Variants in ADCY2 observed in about 807,000 individuals in gnomAD.
The protein encoded by ADCY2 is adenylate cyclase 2.
In ADCY2, 31 loss-of-function variants were observed where a neutral mutation model predicts 125.2. The ratio of observed to expected loss-of-function variants is 0.25; its 90% CI spans 0.19 to 0.33. The LOEUF is 0.33. Ranked by LOEUF, ADCY2 falls within the 10% of genes least tolerant of loss-of-function variation. ADCY2 has a pLI of 1.00. For synonymous variants in ADCY2, 512 were observed against 548.4 expected, an observed-to-expected ratio of 0.93 and a Z score of 0.93; for missense variants, 904 against 1,418.2, an observed-to-expected ratio of 0.64 and a Z score of 5.82.
At chr5:7,813,949 C>T (rs924518885) in intron 22 of ADCY2, among the ~76,000 whole-genome samples, 1 of 151,970 alleles carries the variant, frequency 6.6e-6, no homozygotes, top group East Asian at 1.9e-4. Flanking sequence ...CTTGTGCCTC[C>T]TATTAAGGAG....
intron 24 of ADCY2, among the ~76,000 whole-genome samples, chr5:7,824,769 C>T (rs1745412829): frequency 6.6e-6 from 1 of 152,200 alleles, no homozygotes; most frequent in African/African-American, 2.4e-5. Flanking sequence ...CCATAGCCCG[C>T]CCTTGAGATC....
At chr5:7,456,790 A>G (rs1579461737) in intron 2 of ADCY2, among the ~76,000 whole-genome samples, 1 of 152,208 alleles carries the variant, frequency 6.6e-6, no homozygotes, top group Non-Finnish European at 1.5e-5. Flanking sequence ...CTTAATGAAT[A>G]TAATTCCTTT....
intron 14 of ADCY2, among the ~76,000 whole-genome samples, chr5:7,731,801 C>T (rs1742110875): frequency 6.6e-6 from 1 of 151,284 alleles, no homozygotes; most frequent in South Asian, 2.1e-4. Flanking sequence ...TGGAGTTTCA[C>T]CATGTTGGCC....
intron 2 of ADCY2, among the ~76,000 whole-genome samples, chr5:7,416,231 G>A (rs567955434): frequency 2.6e-5 from 4 of 152,286 alleles, no homozygotes; most frequent in Admixed American, 6.5e-5. Flanking sequence ...CATTTCTTGG[G>A]CAAAGGGAGG....
At chr5:7,463,412 G>A (rs1741986948) in intron 2 of ADCY2, among the ~76,000 whole-genome samples, 2 of 152,118 alleles carry the variant, frequency 1.3e-5, no homozygotes, top group African/African-American at 4.8e-5. Flanking sequence ...TTTTGCGCTT[G>A]TGAAATAATT....
chr5:7,539,959 T>C (rs1008934695), intron 3 of ADCY2, among the ~76,000 whole-genome samples: 1 of 152,244 alleles, frequency 6.6e-6, no homozygotes, highest in Non-Finnish European at 1.5e-5. Context: ...TAAACACAGT[T>C]AATTATTGTT....
At chr5:7,515,142 C>G (rs1428845784) in intron 2 of ADCY2, among the ~76,000 whole-genome samples, 1 of 152,166 alleles carries the variant, frequency 6.6e-6, no homozygotes, top group African/African-American at 2.4e-5. Flanking sequence ...TATGCCACTG[C>G]CTTTTAAAAA....
chr5:7,806,121 C>A (rs1442701276), intron 22 of ADCY2, among the ~76,000 whole-genome samples: 1 of 151,940 alleles, frequency 6.6e-6, no homozygotes, highest in Non-Finnish European at 1.5e-5. Context: ...AGGGTTTTTT[C>A]CAGAACATTA....
chr5:7,819,173 C>G (rs1433346417), intron 23 of ADCY2, among the ~76,000 whole-genome samples: 1 of 152,150 alleles, frequency 6.6e-6, no homozygotes, highest in East Asian at 1.9e-4. Context: ...AGATGGTGCC[C>G]ACTCACATTG....
At chr5:7,443,045 G>C (rs1477896372) in intron 2 of ADCY2, among the ~76,000 whole-genome samples, 2 of 152,074 alleles carry the variant, frequency 1.3e-5, no homozygotes, top group Non-Finnish European at 2.9e-5. Flanking sequence ...CAGCCTGTTA[G>C]TCTTTCTTAG....
chr5:7,569,785 T>A (rs1736016817), intron 3 of ADCY2, among the ~76,000 whole-genome samples: 1 of 152,178 alleles, frequency 6.6e-6, no homozygotes, highest in Non-Finnish European at 1.5e-5. Flanking sequence ...AGATTGGTTT[T>A]CTGCCTTTGG....
At chr5:7,682,282 G>A (rs1008506280) in intron 4 of ADCY2, among the ~76,000 whole-genome samples, 2 of 152,060 alleles carry the variant, frequency 1.3e-5, no homozygotes, top group Admixed American at 6.6e-5. Context: ...AATAGGAGAG[G>A]GTGCATTTCC....
chr5:7,820,728 T>C, intron 24 of ADCY2, 39 bp downstream of exon 24: 2 of 1,591,050 alleles, frequency 1.3e-6, no homozygotes, highest in South Asian at 1.1e-5. Flanking sequence ...GCATCAACCA[T>C]GTCTGTTCTC....
At chr5:7,473,154 G>A (rs1056863243) in intron 2 of ADCY2, among the ~76,000 whole-genome samples, 17 of 152,076 alleles carry the variant, frequency 1.1e-4, no homozygotes, top group African/African-American at 4.1e-4. Context: ...CAGGCATAAA[G>A]GGTGTCTAAG....
At position 7,658,431 on chromosome 5, in the gene ADCY2, G is replaced by GTATA. The variant is rs1554029046; in HGVS notation, c.720+32127_720+32130dup. On this transcript the variant is annotated intron_variant, in intron 4 of 24. Transcript: ENST00000338316. ...TGTGTGTGTGTGTGTGTGTGTGTGT[G>GTATA]TATATATATATATATTTGAGATGGA... Among the ~76,000 whole-genome samples, 930 of 142,970 alleles carry GTATA rather than the reference G, an allele frequency of 6.5e-3. 11 individuals are homozygous for GTATA. The highest frequency in any genetic ancestry group is 8.2e-3 in the Non-Finnish European group (539 of 65,894). 93.8% of individuals were successfully genotyped at this position (142,970 alleles called of 152,430 possible).
chr5:7,676,546 T>A (rs1740134554), intron 4 of ADCY2, among the ~76,000 whole-genome samples: 1 of 152,160 alleles, frequency 6.6e-6, no homozygotes, highest in Non-Finnish European at 1.5e-5. Context: ...AGATAATTCA[T>A]ATGGATTTAC....
At chr5:7,553,738 C>G (rs751393372) in intron 3 of ADCY2, among the ~76,000 whole-genome samples, 15 of 152,196 alleles carry the variant, frequency 9.9e-5, no homozygotes, top group Non-Finnish European at 2.1e-4. Context: ...GGCCTTGCTC[C>G]CACTGTGCAT....
At chr5:7,785,126 G>A (rs372700958) in intron 19 of ADCY2, among the ~76,000 whole-genome samples, 34 of 152,288 alleles carry the variant, frequency 2.2e-4, no homozygotes, top group African/African-American at 8.2e-4. Context: ...AGCGTGGTGT[G>A]AAACAAACAA....
At position 7,743,972 on chromosome 5, in the gene ADCY2, G is replaced by A. The variant is rs116096704; in HGVS notation, c.1956+220G>A. ...CACGAATATGAAGATGATTCAAAAC[G>A]TTCGATGTCACATCAGAAGTTGCAT... On this transcript the variant is annotated intron_variant, in intron 15 of 24. Coordinates refer to ENST00000338316, the MANE Select transcript of ADCY2 (RefSeq NM_020546.3). Among the ~76,000 whole-genome samples the A allele has an allele frequency of 8.5e-3, 1,294 of 152,200 alleles. 8 individuals are homozygous for A. Among genetic ancestry groups the A allele is most frequent in the Non-Finnish European group, 0.011 (734 of 68,016 alleles).
Sources: gnomAD v4.1 joint callset for allele counts (sites outside exome capture counted in the v4.1 genomes callset) on GRCh38, gnomAD v4.1.1 for gene constraint, MANE v1.5 for transcripts, NCBI Gene and HGNC (gene_info 2026-07-23, HGNC 2026-07-21) for gene names.